Variants in CFAP20DC observed in about 807,000 individuals in gnomAD.
CFAP20DC encodes CFAP20 domain containing, also known as protein CFAP20DC.
A neutral mutation model predicts 101.7 loss-of-function variants in CFAP20DC; 84 were observed. That is an observed-to-expected ratio of 0.83 (90% CI 0.69 to 0.99). CFAP20DC has a LOEUF of 0.99. Ranked by LOEUF, CFAP20DC falls within the 50% of genes least tolerant of loss-of-function variation. The pLI is 0.00. For synonymous variants in CFAP20DC, 359 were observed against 351.2 expected (o/e 1.02, Z -0.25); for missense variants, 1,007 against 970.3 (o/e 1.04, Z -0.50).
At chr3:58,981,271 G>A (rs2092531284) in intron 4 of CFAP20DC, among the ~76,000 whole-genome samples, 1 of 151,560 alleles carries the variant, frequency 6.6e-6, no homozygotes, top group African/African-American at 2.4e-5. Context: ...CGTGAAAATG[G>A]CCATACTGCC....
chr3:58,850,624 C>A (rs574220606), intron 12 of CFAP20DC, among the ~76,000 whole-genome samples: 27 of 148,638 alleles, frequency 1.8e-4, no homozygotes, highest in South Asian at 8.5e-4. Context: ...ACAAAAAAAA[C>A]CAACCAACCA....
intron 15 of CFAP20DC, among the ~76,000 whole-genome samples, chr3:58,803,228 C>T (rs564074127): frequency 5.3e-5 from 8 of 152,154 alleles, no homozygotes; most frequent in African/African-American, 9.7e-5. Flanking sequence ...CACACCACCC[C>T]GTCTCTGCCA....
chr3:58,983,234 G>T (rs1462772356), intron 4 of CFAP20DC, among the ~76,000 whole-genome samples: 1 of 152,064 alleles, frequency 6.6e-6, no homozygotes, highest in Non-Finnish European at 1.5e-5. Flanking sequence ...CAACTGGGTG[G>T]GTTTTATGGG....
intron 6 of CFAP20DC, among the ~76,000 whole-genome samples, chr3:58,886,866 A>G (rs1458883103): frequency 6.6e-6 from 1 of 152,200 alleles, no homozygotes; most frequent in Admixed American, 6.5e-5. Context: ...TTTTATGAGT[A>G]AAGTTTCTGT....
chr3:59,046,249 G>C lies in CFAP20DC; in HGVS notation c.185C>G (p.Pro62Arg). The C allele has an allele frequency of 6.5e-7, 1 of 1,529,810 alleles. No individual in the cohort carries two copies. The highest frequency in any genetic ancestry group is 8.7e-7 in the Non-Finnish European group (1 of 1,144,290). The allele number at this position is 1,529,810 out of a possible 1,614,324, so 94.8% of individuals were successfully genotyped here. A position where few individuals can be genotyped will look rare whatever the true frequency, so the allele number is the denominator to read the frequency against. Residue 62 changes from proline to arginine, a missense_variant, in exon 3 of 17, where the codon CCA (proline) becomes CGA (arginine). By Grantham distance (103) the Pro-to-Arg change is moderately radical. Coordinates refer to ENST00000482387, the MANE Select transcript of CFAP20DC (RefSeq NM_001394063.1). Reference protein sequence around the residue: ...GSSQTNKIQLPKENKQSLGLI... With the variant: ...GSSQTNKIQLRKENKQSLGLI... Reference sequence around the variant, plus strand: ...CTTACGGCTTTGCTTATTCTCCTTTGGTAACTGAATTTTGTTTGTTTGGCT... The same window carrying C: ...CTTACGGCTTTGCTTATTCTCCTTTCGTAACTGAATTTTGTTTGTTTGGCT...
chr3:58,854,475 G>GA (rs1267130039), intron 12 of CFAP20DC, among the ~76,000 whole-genome samples: 3 of 151,760 alleles, frequency 2.0e-5, no homozygotes, highest in African/African-American at 7.3e-5. Context: ...CACAGAATTG[G>GA]AAAAAACTAC....
In CFAP20DC at chr3:58,936,667, C is replaced by T. The variant is rs563872437; in HGVS notation, c.393+981G>A. 6.6e-5 allele frequency among the ~76,000 whole-genome samples: 10 copies of T among 152,238 alleles called. No individual in the cohort carries two copies. The South Asian group carries it at 1.5e-3, about 22-fold the overall frequency. ...GAAACCATCATTCTCAGTAAACTAT[C>T]GCAAGGACGGAAAACCAAACACCGC... On this transcript the variant is annotated intron_variant, in intron 5 of 16. Transcript: ENST00000482387.
In CFAP20DC at chr3:58,816,202, C is replaced by A. The variant is rs1308744888; in HGVS notation, c.2176-9746G>T. 2.0e-5 allele frequency among the ~76,000 whole-genome samples: 3 copies of A among 152,034 alleles called. No homozygotes were observed. In the East Asian group the frequency reaches 5.8e-4, roughly 29 times the overall value. On this transcript the variant is annotated intron_variant, in intron 14 of 16. Coordinates refer to ENST00000482387, the MANE Select transcript of CFAP20DC (RefSeq NM_001394063.1). The stretch of plus-strand genomic sequence containing the variant: ...GCCATAAAAAATGATGAGTTCATGT[C>A]CTTTGTAGGGACATGGATGAGACTG...
intron 4 of CFAP20DC, among the ~76,000 whole-genome samples, chr3:59,003,322 G>A (rs2093357651): frequency 6.6e-6 from 1 of 152,138 alleles, no homozygotes; most frequent in Middle Eastern, 3.2e-3. Flanking sequence ...TAGGTGTTAT[G>A]CAGCCTAATC....
At position 58,890,186 on chromosome 3, in the gene CFAP20DC, C is replaced by G. The variant is rs553735926; in HGVS notation, c.551-5477G>C. ...GGCGGCTGGCTGGGCAGGGGGCTGA[C>G]CCCCCCACCTCCCTCCCGGACGGGG... On this transcript the variant is annotated intron_variant, in intron 6 of 16. Transcript: ENST00000482387. 2.8e-3 allele frequency among the ~76,000 whole-genome samples: 405 copies of G among 146,034 alleles called. 2 individuals are homozygous for G. The highest frequency in any genetic ancestry group is 0.023 in the Middle Eastern group (6 of 264).
At chr3:58,773,804 G>A (rs1166420276) in intron 15 of CFAP20DC, among the ~76,000 whole-genome samples, 1 of 152,136 alleles carries the variant, frequency 6.6e-6, no homozygotes, top group Non-Finnish European at 1.5e-5. Flanking sequence ...TATCTGCAAT[G>A]TCAGTTCTGT....
intron 15 of CFAP20DC, among the ~76,000 whole-genome samples, chr3:58,787,173 A>G (rs1247641450): frequency 6.6e-6 from 1 of 152,080 alleles, no homozygotes; most frequent in African/African-American, 2.4e-5. Context: ...GCTCTAGCAC[A>G]GAGTAACGCT....
intron 7 of CFAP20DC, among the ~76,000 whole-genome samples, chr3:58,876,818 C>A (rs1340351813): frequency 6.6e-6 from 1 of 152,148 alleles, no homozygotes; most frequent in Non-Finnish European, 1.5e-5. Context: ...TATTATCTAA[C>A]AATCAAATTA....
chr3:58,733,357 T>TA (rs112401961), intron 3 of CFAP20DC, among the ~76,000 whole-genome samples: 10,978 of 149,548 alleles, frequency 0.073, 675 homozygotes, highest in East Asian at 0.36. Context: ...AGTATAATAA[T>TA]AAAAAAAACA....
At chr3:58,953,588 T>A (rs1050335322) in intron 4 of CFAP20DC, 1 of 152,050 alleles carries the variant, frequency 6.6e-6, no homozygotes, top group Non-Finnish European at 1.5e-5. Context: ...GAAAACAAAA[T>A]CATGTGCAAA....
chr3:58,798,327 C>G (rs548152191), intron 15 of CFAP20DC, among the ~76,000 whole-genome samples: 60 of 152,240 alleles, frequency 3.9e-4, no homozygotes, highest in Admixed American at 2.5e-3. Context: ...TTCCAACCAT[C>G]ATGGATGACT....
intron 10 of CFAP20DC, among the ~76,000 whole-genome samples, chr3:58,867,105 A>T (rs1429326088): frequency 6.6e-6 from 1 of 152,166 alleles, no homozygotes; most frequent in Admixed American, 6.6e-5. Flanking sequence ...ATCTTAAGGC[A>T]TTATTGCAAA....
intron 13 of CFAP20DC, among the ~76,000 whole-genome samples, chr3:58,836,592 T>C (rs765711970): frequency 3.3e-5 from 5 of 152,008 alleles, no homozygotes; most frequent in Non-Finnish European, 7.4e-5. Flanking sequence ...GGGGATAGAA[T>C]TGAGAGAAAA....
At chr3:58,815,144 T>C (rs963979984) in intron 14 of CFAP20DC, among the ~76,000 whole-genome samples, 6 of 150,754 alleles carry the variant, frequency 4.0e-5, no homozygotes, top group Non-Finnish European at 8.9e-5. Flanking sequence ...AGCATGGTAC[T>C]GGTACCAAAA....
Sources: gnomAD v4.1 joint callset for allele counts (sites outside exome capture counted in the v4.1 genomes callset) on GRCh38, gnomAD v4.1.1 for gene constraint, MANE v1.5 for transcripts, NCBI Gene and HGNC (gene_info 2026-07-23, HGNC 2026-07-21) for gene names.